C3orf18: variants seen among roughly 807,000 people sequenced by gnomAD.
The protein encoded by C3orf18 is uncharacterized protein C3orf18.
Under a neutral mutation model 14.1 loss-of-function variants are expected in C3orf18, and 12 were observed. The observed-to-expected ratio is 0.85, with a 90% CI of 0.55 to 1.38. C3orf18 has a LOEUF of 1.38. C3orf18 is among the 40% of genes most tolerant of loss of function. The probability of loss-of-function intolerance (pLI) is 0.00; values close to 1 mark genes in which losing one functional copy is unlikely to be tolerated. For synonymous variants in C3orf18, 82 were observed against 87.9 expected (o/e 0.93, Z 0.38); for missense variants, 196 against 213.9 (o/e 0.92, Z 0.52).
chr3:50,568,399 C>G (rs899971122), upstream of C3orf18, among the ~76,000 whole-genome samples: 2 of 152,008 alleles, frequency 1.3e-5, no homozygotes, highest in South Asian at 4.1e-4. Flanking sequence ...CTGTGTCTCC[C>G]GGTCTGGGAA....
At chr3:50,562,735 G>C in intron 3 of C3orf18, 1 of 350,780 alleles carries the variant, frequency 2.9e-6, no homozygotes, top group East Asian at 7.8e-5. Context: ...TAGGGGTGGG[G>C]GACTGGAGCC....
upstream of C3orf18, among the ~76,000 whole-genome samples, chr3:50,572,946 G>A (rs767204186): frequency 2.6e-5 from 4 of 152,198 alleles, no homozygotes; most frequent in African/African-American, 4.8e-5. Flanking sequence ...GCCAGAGGGC[G>A]CCAGGTTCTG....
At position 50,559,661 on chromosome 3, in the gene C3orf18, G is replaced by C. The variant is rs1034405; in HGVS notation, c.485C>G (p.Ala162Gly). Residue 162 changes from alanine to glycine, a missense_variant, in exon 6 of 6, where the codon GCG (alanine) becomes GGG (glycine). By Grantham distance (60) the Ala-to-Gly change is moderately conservative (BLOSUM62 0). Transcript: ENST00000357203. ...VFTDVANAIH[A>G] ...TCCAGGCTTGTCCCAGGCCACTCAC[G>C]CATGGATGGCATTGGCCACATCGGT... is the stretch of plus-strand genomic sequence containing the variant. 3.2e-6 allele frequency: 5 copies of C among 1,581,444 alleles called. No individual in the cohort carries two copies. Among genetic ancestry groups the C allele is most frequent in the Non-Finnish European group, 4.3e-6 (5 of 1,162,794 alleles).
upstream of C3orf18, chr3:50,571,877 C>G (rs1701006334): frequency 7.5e-6 from 11 of 1,474,134 alleles, no homozygotes; most frequent in Non-Finnish European, 1.0e-5. Flanking sequence ...CCACCAAGTT[C>G]AGGGAGGAGG....
intron 1 of C3orf18, among the ~76,000 whole-genome samples, chr3:50,566,799 T>C (rs1559443128): frequency 6.6e-6 from 1 of 152,132 alleles, no homozygotes; most frequent in African/African-American, 2.4e-5. Flanking sequence ...GTGCCTTCTC[T>C]TCCTTTACCC....
chr3:50,572,379 G>A (rs1169829000), upstream of C3orf18, among the ~76,000 whole-genome samples: 1 of 152,174 alleles, frequency 6.6e-6, no homozygotes, highest in African/African-American at 2.4e-5. Context: ...GAGGACAGAG[G>A]ATTCCTGTTG....
chr3:50,568,694 C>A (rs529541467), upstream of C3orf18, among the ~76,000 whole-genome samples: 1 of 125,080 alleles, frequency 8.0e-6, no homozygotes, highest in South Asian at 2.5e-4. Context: ...CATTGTACTT[C>A]AGCCTGCGCA....
chr3:50,567,299 A>G lies in C3orf18; in HGVS notation c.-252+164T>C, dbSNP rs181027064. 2.0e-5 allele frequency among the ~76,000 whole-genome samples: 3 copies of G among 152,284 alleles called. No homozygotes were observed. In the East Asian group the frequency reaches 5.8e-4, roughly 29 times the overall value. On this transcript the variant is annotated intron_variant, in intron 1 of 5. Coordinates refer to ENST00000357203, the MANE Select transcript of C3orf18 (RefSeq NM_016210.5). ...GGCCTGCCTCAGGGTCCAAAGGGGA[A>G]GGGAAGGAAACCGGGGTAAAAGGGG...
Position 50,559,564 on chromosome 3 carries a change from A to C in C3orf18, c.*93T>G. On this transcript the variant is annotated 3_prime_UTR_variant, in exon 6 of 6. Transcript: ENST00000357203. ...GCCCTCTTGTGTCTTGGCAGGGAAG[A>C]TCTTCAGAGTAGGTCTTGACAATCA... The C allele has an allele frequency of 6.9e-7, 1 of 1,446,198 alleles. No homozygotes were observed. The highest frequency in any genetic ancestry group is 9.1e-7 in the Non-Finnish European group (1 of 1,094,108). The allele number at this position is 1,446,198 out of a possible 1,614,324, so 89.6% of individuals were successfully genotyped here.
intron 5 of C3orf18, 104 bp from the exon 6 acceptor site, chr3:50,559,841 A>AGG: frequency 1.5e-6 from 1 of 651,030 alleles, no homozygotes; most frequent in Non-Finnish European, 2.5e-6. Context: ...TATGCTTGGC[A>AGG]CTAGCAATGG....
chr3:50,561,625 C>A, intron 4 of C3orf18, 97 bp downstream of exon 4: 1 of 1,254,946 alleles, frequency 8.0e-7, no homozygotes, highest in South Asian at 1.3e-5. Flanking sequence ...GGCCTTGACT[C>A]CCTGATCAGC....
At chr3:50,571,154 G>A, upstream of C3orf18, 6 of 1,613,108 alleles carry the variant, frequency 3.7e-6, no homozygotes, top group Non-Finnish European at 5.1e-6. Flanking sequence ...GGCCCAGGGA[G>A]GAGGGGAAGT....
At chr3:50,572,060 G>T, upstream of C3orf18, 5 of 1,609,272 alleles carry the variant, frequency 3.1e-6, no homozygotes, top group South Asian at 5.5e-5. Flanking sequence ...ACCCAGGCAT[G>T]GTCCTGTTGG....
chr3:50,568,017 G>A (rs75311716), upstream of C3orf18, among the ~76,000 whole-genome samples: 5,924 of 152,318 alleles, frequency 0.039, 395 homozygotes, highest in African/African-American at 0.13. Context: ...CCCCCAAAAC[G>A]CGGATGGATG....
At position 50,558,056 on chromosome 3, in the gene C3orf18, G is replaced by A. The variant is rs1699765506; in HGVS notation, c.*1601C>T. The stretch of plus-strand genomic sequence containing the variant: ...TAAACATCTTCATTACATCTTTAAT[G>A]CTCTCACGTGGAGCTGCTCTGGGTT... On this transcript the variant is annotated 3_prime_UTR_variant, in exon 6 of 6. Transcript: ENST00000357203. 1 of 152,718 alleles carries A rather than the reference G, an allele frequency of 6.5e-6. No homozygotes were observed. Among genetic ancestry groups the A allele is most frequent in the Non-Finnish European group, 1.5e-5 (1 of 68,250 alleles). The allele number at this position is 152,718 out of a possible 1,614,324, so 9.5% of individuals were successfully genotyped here.
chr3:50,574,253 CGA>C (rs1701329202), upstream of C3orf18, among the ~76,000 whole-genome samples: 1 of 152,174 alleles, frequency 6.6e-6, no homozygotes, highest in Admixed American at 6.5e-5. Flanking sequence ...TTAGTCTTGC[CGA>C]AAGAGCCACC....
intron 3 of C3orf18, among the ~76,000 whole-genome samples, chr3:50,564,259 C>G (rs1281263748): frequency 6.6e-6 from 1 of 152,276 alleles, no homozygotes; most frequent in African/African-American, 2.4e-5. Context: ...GCACCCCATC[C>G]TCCCTAGTCT....
upstream of C3orf18, among the ~76,000 whole-genome samples, chr3:50,572,364 G>T (rs1310769249): frequency 6.6e-6 from 1 of 152,144 alleles, no homozygotes; most frequent in East Asian, 1.9e-4. Flanking sequence ...TGTTGGCAGA[G>T]CCCAGAGGAC....
intron 3 of C3orf18, chr3:50,562,346 CT>C (rs1002591184): frequency 2.5e-6 from 1 of 394,228 alleles, no homozygotes; most frequent in African/African-American, 2.1e-5. Context: ...CCAATACTAA[CT>C]GTAGCTCCAG....
Sources: gnomAD v4.1 joint callset for allele counts (sites outside exome capture counted in the v4.1 genomes callset) on GRCh38, gnomAD v4.1.1 for gene constraint, MANE v1.5 for transcripts, NCBI Gene and HGNC (gene_info 2026-07-23, HGNC 2026-07-21) for gene names.